Variants in RBFOX1 observed in about 807,000 individuals in gnomAD.
RBFOX1 encodes the protein RNA binding protein fox-1 homolog 1.
RBFOX1 carries 8 observed loss-of-function variants against 57.7 expected under a neutral mutation model. The observed-to-expected ratio is 0.14, with a 90% CI of 0.08 to 0.25. RBFOX1 has a LOEUF of 0.25. Among genes scored for constraint, RBFOX1 ranks in the 10% least tolerant of loss-of-function variants. The pLI is 1.00. For synonymous variants in RBFOX1, 326 were observed against 222.4 expected (o/e 1.47, Z -4.15); for missense variants, 611 against 548.5 (o/e 1.11, Z -1.14).
chr16:7,220,163 C>G (rs2092613043), intron 4 of RBFOX1, among the ~76,000 whole-genome samples: 1 of 152,200 alleles, frequency 6.6e-6, no homozygotes, highest in Non-Finnish European at 1.5e-5. Context: ...CTCCCGACAA[C>G]CATCATGACA....
At chr16:7,610,568 T>C (rs1162077932) in intron 10 of RBFOX1, among the ~76,000 whole-genome samples, 2 of 152,222 alleles carry the variant, frequency 1.3e-5, no homozygotes, top group Non-Finnish European at 2.9e-5. Flanking sequence ...CTGTGTTTCA[T>C]GCTGCCACTA....
intron 1 of RBFOX1, among the ~76,000 whole-genome samples, chr16:6,289,570 G>A (rs542573388): frequency 6.4e-4 from 97 of 152,212 alleles, no homozygotes; most frequent in African/African-American, 1.9e-3. Context: ...GTTCTCTTAT[G>A]CCCTTTTAAT....
At chr16:6,037,539 A>C (rs892961389) in intron 1 of RBFOX1, 1 of 151,936 alleles carries the variant, frequency 6.6e-6, no homozygotes, top group Non-Finnish European at 1.5e-5. Context: ...AAAAAAAAAA[A>C]AACAGTCCGT....
chr16:5,775,301 C>G (rs2054109802), intron 3 of RBFOX1, among the ~76,000 whole-genome samples: 1 of 152,168 alleles, frequency 6.6e-6, no homozygotes, highest in African/African-American at 2.4e-5. Flanking sequence ...ACACACCTTT[C>G]TTTTCCCTCT....
At chr16:6,977,941 A>AC (rs2087531488) in intron 3 of RBFOX1, among the ~76,000 whole-genome samples, 1 of 118,606 alleles carries the variant, frequency 8.4e-6, no homozygotes, top group Non-Finnish European at 2.1e-5. Flanking sequence ...CCCAGGGAAA[A>AC]AAAAAAAAAA....
At chr16:6,705,971 T>C (rs1178862154) in intron 3 of RBFOX1, among the ~76,000 whole-genome samples, 3 of 152,166 alleles carry the variant, frequency 2.0e-5, no homozygotes, top group Non-Finnish European at 4.4e-5. Context: ...TGAGTTAAGA[T>C]GGTGCCACTG....
chr16:5,998,036 T>C (rs2060520832), intron 4 of RBFOX1, among the ~76,000 whole-genome samples: 1 of 152,252 alleles, frequency 6.6e-6, no homozygotes, highest in African/African-American at 2.4e-5. Flanking sequence ...CCAGTTCCTC[T>C]TGGTCATTGT....
chr16:5,672,302 G>T (rs2050035996), intron 3 of RBFOX1, among the ~76,000 whole-genome samples: 1 of 152,150 alleles, frequency 6.6e-6, no homozygotes, highest in Admixed American at 6.5e-5. Flanking sequence ...CAATAAACCT[G>T]CCCCAGGTTA....
rs533378386 is a variant in RBFOX1 at position 6,895,069 on chromosome 16, T to C, written c.-15-156988T>C. ...TGCTGGCTGTAGATAAATACATCTT[T>C]AATAAATAATCTAATGACTTAAAGA... On this transcript the variant is annotated intron_variant, in intron 3 of 15. Transcript: ENST00000550418. Among the ~76,000 whole-genome samples, 18 of 152,234 alleles carry C rather than the reference T, an allele frequency of 1.2e-4. No individual in the cohort carries two copies. In the South Asian group the frequency reaches 3.1e-3, roughly 26 times the overall value.
At chr16:7,084,196 C>T (rs2059633626) in intron 4 of RBFOX1, among the ~76,000 whole-genome samples, 1 of 151,970 alleles carries the variant, frequency 6.6e-6, no homozygotes, top group South Asian at 2.1e-4. Context: ...CATTCAGATG[C>T]AATTAAATAT....
At chr16:7,526,447 C>A (rs932559664) in intron 5 of RBFOX1, among the ~76,000 whole-genome samples, 1 of 152,172 alleles carries the variant, frequency 6.6e-6, no homozygotes, top group Non-Finnish European at 1.5e-5. Context: ...GACCATTGAA[C>A]CTCTCTGCTC....
intron 2 of RBFOX1, among the ~76,000 whole-genome samples, chr16:6,397,292 CAG>C (rs1358804789): frequency 6.6e-6 from 1 of 152,056 alleles, no homozygotes; most frequent in Non-Finnish European, 1.5e-5. Flanking sequence ...TGAAAACAAT[CAG>C]AGTGAAAAAG....
At chr16:5,677,062 A>G (rs910171662) in intron 3 of RBFOX1, among the ~76,000 whole-genome samples, 1 of 152,222 alleles carries the variant, frequency 6.6e-6, no homozygotes, top group Non-Finnish European at 1.5e-5. Context: ...CCAATTCTGC[A>G]TCTTCCCAGG....
intron 2 of RBFOX1, among the ~76,000 whole-genome samples, chr16:6,489,504 C>T (rs2095582034): frequency 6.6e-6 from 1 of 152,112 alleles, no homozygotes; most frequent in East Asian, 1.9e-4. Flanking sequence ...CACACAGCTT[C>T]TAAGTGGCAG....
At chr16:6,816,447 A>G (rs1411401813) in intron 3 of RBFOX1, among the ~76,000 whole-genome samples, 1 of 150,364 alleles carries the variant, frequency 6.7e-6, no homozygotes, top group African/African-American at 2.5e-5. Flanking sequence ...TTTTAAAGAA[A>G]CAGGGTCTTG....
chr16:5,652,132 T>TA (rs1439013831), intron 3 of RBFOX1, among the ~76,000 whole-genome samples: 3 of 152,012 alleles, frequency 2.0e-5, no homozygotes, highest in African/African-American at 7.2e-5. Flanking sequence ...AGACTCCATC[T>TA]AAAAAAAATT....
intron 1 of RBFOX1, among the ~76,000 whole-genome samples, chr16:5,411,232 A>C (rs939208064): frequency 6.6e-6 from 1 of 152,222 alleles, no homozygotes; most frequent in African/African-American, 2.4e-5. Context: ...GGCGAAAGGG[A>C]CTTTGCATGT....
At chr16:6,046,931 A>C (rs1244893368) in intron 1 of RBFOX1, among the ~76,000 whole-genome samples, 1 of 152,164 alleles carries the variant, frequency 6.6e-6, no homozygotes, top group Non-Finnish European at 1.5e-5. Context: ...CAGATGTCTA[A>C]GTATATGGTA....
intron 4 of RBFOX1, among the ~76,000 whole-genome samples, chr16:7,060,310 G>T (rs1244730366): frequency 6.6e-6 from 1 of 152,160 alleles, no homozygotes; most frequent in African/African-American, 2.4e-5. Flanking sequence ...CCCTGCTGGT[G>T]ACTGAAATGT....
Sources: gnomAD v4.1 joint callset for allele counts (sites outside exome capture counted in the v4.1 genomes callset) on GRCh38, gnomAD v4.1.1 for gene constraint, MANE v1.5 for transcripts, NCBI Gene and HGNC (gene_info 2026-07-23, HGNC 2026-07-21) for gene names.